NUP205: variants seen among roughly 807,000 people sequenced by gnomAD.
NUP205 encodes nucleoporin 205.
In NUP205, 76 loss-of-function variants were observed where a neutral mutation model predicts 253.8. The ratio of observed to expected loss-of-function variants is 0.30; its 90% CI spans 0.25 to 0.36. The LOEUF (loss-of-function observed/expected upper bound fraction) is 0.36, where lower values mean the gene tolerates loss of function less well. Ranked by LOEUF, NUP205 falls within the 10% of genes least tolerant of loss-of-function variation. The pLI is 1.00. For missense variants in NUP205, 2,162 were observed against 2,425.5 expected (o/e 0.89, Z 2.28); for synonymous variants, 832 against 850.1 (o/e 0.98, Z 0.37).
intron 1 of NUP205, among the ~76,000 whole-genome samples, chr7:135,569,628 A>G (rs894310937): frequency 6.6e-6 from 1 of 151,926 alleles, no homozygotes; most frequent in African/African-American, 2.4e-5. Context: ...CCATAGTGCT[A>G]ACCTCATAGG....
intron 33 of NUP205, 60 bp downstream of exon 33, chr7:135,626,421 A>AG: frequency 1.3e-6 from 2 of 1,542,722 alleles, no homozygotes; most frequent in Non-Finnish European, 1.8e-6. Context: ...TAAGGGAAGA[A>AG]AAAATTCCAA....
At chr7:135,564,251 T>G (rs913025270) in intron 1 of NUP205, among the ~76,000 whole-genome samples, 1 of 150,100 alleles carries the variant, frequency 6.7e-6, no homozygotes, top group Non-Finnish European at 1.5e-5. Context: ...AGCTATTTTT[T>G]TTTTTTTTTT....
intron 1 of NUP205, among the ~76,000 whole-genome samples, chr7:135,560,093 C>T (rs899493400): frequency 1.3e-5 from 2 of 152,018 alleles, no homozygotes; most frequent in African/African-American, 2.4e-5. Flanking sequence ...CTCCTGACCC[C>T]GTGATTCACT....
At chr7:135,639,853 A>G (rs578027179) in intron 38 of NUP205, among the ~76,000 whole-genome samples, 2 of 152,248 alleles carry the variant, frequency 1.3e-5, no homozygotes, top group Admixed American at 6.5e-5. Flanking sequence ...GGTGGCACAT[A>G]TACACCATGG....
intron 1 of NUP205, among the ~76,000 whole-genome samples, chr7:135,559,297 C>A (rs1463940607): frequency 2.6e-5 from 4 of 152,044 alleles, no homozygotes; most frequent in Non-Finnish European, 5.9e-5. Flanking sequence ...ATATTGCGGT[C>A]CTTCCTTCCC....
intron 5 of NUP205, 85 bp from the exon 6 acceptor site, chr7:135,577,711 C>T: frequency 3.0e-6 from 3 of 985,102 alleles, no homozygotes; most frequent in South Asian, 1.5e-5. Flanking sequence ...TTTTATTAGC[C>T]TTTGTAAAAG....
intron 19 of NUP205, among the ~76,000 whole-genome samples, chr7:135,605,015 A>G (rs1339074175): frequency 6.6e-6 from 1 of 150,930 alleles, no homozygotes; most frequent in Non-Finnish European, 1.5e-5. Flanking sequence ...ATCCCATTGT[A>G]TCTTTATGTT....
At chr7:135,566,369 G>A (rs968748631) in intron 1 of NUP205, among the ~76,000 whole-genome samples, 2 of 152,096 alleles carry the variant, frequency 1.3e-5, no homozygotes, top group Admixed American at 6.6e-5. Context: ...GGGGTTACAC[G>A]GATGAGCCAC....
intron 1 of NUP205, among the ~76,000 whole-genome samples, chr7:135,564,071 G>A (rs1805672777): frequency 6.6e-6 from 1 of 151,368 alleles, no homozygotes; most frequent in Non-Finnish European, 1.5e-5. Context: ...GCTACCTTTG[G>A]TGTTTTTTTT....
intron 31 of NUP205, 23 bp downstream of exon 31, chr7:135,622,948 T>C (rs1794506581): frequency 6.2e-7 from 1 of 1,606,866 alleles, no homozygotes; most frequent in South Asian, 1.1e-5. Flanking sequence ...TTATTTAGTA[T>C]TATAATTGAA....
At chr7:135,561,794 C>G (rs763879925) in intron 1 of NUP205, among the ~76,000 whole-genome samples, 4 of 152,184 alleles carry the variant, frequency 2.6e-5, no homozygotes, top group African/African-American at 4.8e-5. Flanking sequence ...TCTTCCCTTT[C>G]TCTCCACTGA....
chr7:135,623,875 C>T (rs180791956), intron 31 of NUP205, among the ~76,000 whole-genome samples: 2,041 of 152,196 alleles, frequency 0.013, 45 homozygotes, highest in African/African-American at 0.047. Flanking sequence ...CTCCGCCTCC[C>T]GAGTTCACGC....
intron 31 of NUP205, 124 bp from the exon 32 acceptor site, chr7:135,625,040 A>T: frequency 1.2e-6 from 1 of 810,054 alleles, no homozygotes; most frequent in Non-Finnish European, 1.9e-6. Flanking sequence ...ATTTTGTTGC[A>T]AGTAACATTC....
intron 1 of NUP205, among the ~76,000 whole-genome samples, chr7:135,568,827 C>T (rs766000470): frequency 2.0e-5 from 3 of 152,200 alleles, no homozygotes; most frequent in Non-Finnish European, 2.9e-5. Context: ...TTGTTCTTGG[C>T]TGATGTTTGT....
intron 22 of NUP205, among the ~76,000 whole-genome samples, chr7:135,608,484 G>C (rs1794136530): frequency 6.6e-6 from 1 of 151,048 alleles, no homozygotes; most frequent in Admixed American, 6.6e-5. Context: ...AGGTGGTCTG[G>C]ATCACTTGAG....
intron 15 of NUP205, 35 bp downstream of exon 15, chr7:135,598,242 C>T: frequency 3.9e-6 from 6 of 1,542,832 alleles, no homozygotes; most frequent in Non-Finnish European, 5.3e-6. Context: ...TCTCCTTATG[C>T]ATTTACTGCT....
chr7:135,634,735 G>A (rs1794777044), intron 35 of NUP205, among the ~76,000 whole-genome samples: 1 of 152,148 alleles, frequency 6.6e-6, no homozygotes, highest in African/African-American at 2.4e-5. Flanking sequence ...CTCGGGAAGC[G>A]GTGAGGCACG....
At chr7:135,645,404 C>T (rs1794987784) in intron 40 of NUP205, 64 bp from the exon 41 acceptor site, 2 of 1,544,772 alleles carry the variant, frequency 1.3e-6, no homozygotes, top group East Asian at 2.3e-5. Flanking sequence ...TTCTTCTCCT[C>T]CGAAACTGGT....
chr7:135,622,454 A>T (rs1416203462), intron 30 of NUP205, among the ~76,000 whole-genome samples: 2 of 151,168 alleles, frequency 1.3e-5, no homozygotes, highest in African/African-American at 4.9e-5. Flanking sequence ...AAAAAGACTG[A>T]TGAGCAGGAT....
Sources: allele counts gnomAD v4.1 joint callset (sites outside exome capture counted in the v4.1 genomes callset), GRCh38; gene constraint gnomAD v4.1.1; transcripts MANE v1.5; gene names NCBI Gene and HGNC (gene_info 2026-07-23, HGNC 2026-07-21).